SGMS2: variants seen among roughly 807,000 people sequenced by gnomAD.
The protein encoded by SGMS2 is phosphatidylcholine:ceramide cholinephosphotransferase 2.
SGMS2 carries 21 observed loss-of-function variants against 43.8 expected under a neutral mutation model. The ratio of observed to expected loss-of-function variants is 0.48; its 90% confidence interval spans 0.34 to 0.69. The LOEUF is 0.69. SGMS2 is among the 30% of genes least tolerant of loss of function. The pLI is 0.01. For synonymous variants in SGMS2, 167 were observed against 160.6 expected, an observed-to-expected ratio of 1.04 and a Z score of -0.30; for missense variants, 384 against 443.2, an observed-to-expected ratio of 0.87 and a Z score of 1.20.
At position 107,851,096 on chromosome 4, in the gene SGMS2, A is replaced by G. The variant is rs570886819; in HGVS notation, c.-326-7376A>G. On this transcript the variant is annotated intron_variant, in intron 1 of 6. Coordinates refer to ENST00000690982, the MANE Select transcript of SGMS2 (RefSeq NM_001375905.1). ...TAAAACTTAAAAGAAGACTTGAAAA[A>G]ACTTTGCTTTGTGAAATAGGGGTTT... is the stretch of plus-strand genomic sequence containing the variant. 2.5e-3 allele frequency among the ~76,000 whole-genome samples: 380 copies of G among 152,254 alleles called. 1 individual carries two copies. The highest frequency in any genetic ancestry group is 3.4e-3 in the Non-Finnish European group (229 of 68,026).
At chr4:107,890,445 C>G (rs1730109474) in intron 2 of SGMS2, among the ~76,000 whole-genome samples, 1 of 152,088 alleles carries the variant, frequency 6.6e-6, no homozygotes, top group Non-Finnish European at 1.5e-5. Context: ...GAGGCCAAGG[C>G]AGGTGGATCA....
intron 1 of SGMS2, among the ~76,000 whole-genome samples, chr4:107,842,241 CTCACTGT>C (rs977072329): frequency 1.3e-5 from 2 of 152,090 alleles, no homozygotes; most frequent in Admixed American, 1.3e-4. Flanking sequence ...CTTTAATTGG[CTCACTGT>C]TCTGCAGACA....
intron 2 of SGMS2, among the ~76,000 whole-genome samples, chr4:107,870,157 AATAATCTTGT>A (rs1371277522): frequency 6.6e-6 from 1 of 152,198 alleles, no homozygotes; most frequent in African/African-American, 2.4e-5. Flanking sequence ...TTATTTACAA[AATAATCTTGT>A]ATGTAGCTTT....
intron 2 of SGMS2, among the ~76,000 whole-genome samples, chr4:107,889,406 A>G (rs1196135627): frequency 1.3e-5 from 2 of 152,188 alleles, no homozygotes; most frequent in East Asian, 1.9e-4. Context: ...GACATTTCTA[A>G]TATTACTTTA....
intron 1 of SGMS2, among the ~76,000 whole-genome samples, chr4:107,854,490 G>A (rs192255460): frequency 1.3e-5 from 2 of 152,310 alleles, no homozygotes; most frequent in Admixed American, 6.5e-5. Context: ...GCCAGACAAT[G>A]GCTCTGAAGT....
chr4:107,908,610 T>C lies in SGMS2; in HGVS notation c.773T>C (p.Leu258Pro). The C allele has an allele frequency of 6.2e-7, 1 of 1,614,154 alleles. No individual in the cohort carries two copies. Among genetic ancestry groups the C allele is most frequent in the Non-Finnish European group, 8.5e-7 (1 of 1,179,978 alleles). ...FWWYHLICWL[L>P]SAAGIICILV... ...TGGTATCATTTAATCTGCTGGCTGC[T>C]GAGTGCTGCCGGGATCATCTGCATT... The change falls in exon 6 of 7, where the codon CTG (leucine) becomes CCG (proline). Residue 258 changes from leucine to proline, a missense_variant. Physicochemically the swap from Leu to Pro is moderately conservative, Grantham distance 98. Coordinates refer to ENST00000690982, the MANE Select transcript of SGMS2 (RefSeq NM_001375905.1).
At chr4:107,863,616 G>T (rs895144693) in intron 2 of SGMS2, 1 of 152,170 alleles carries the variant, frequency 6.6e-6, no homozygotes, top group African/African-American at 2.4e-5. Flanking sequence ...ATGACCTCAG[G>T]GTTATGCAGC....
chr4:107,877,913 CTTTTTTT>C (rs774442653), intron 2 of SGMS2, among the ~76,000 whole-genome samples: 24 of 102,186 alleles, frequency 2.3e-4, no homozygotes, highest in African/African-American at 8.2e-4. Context: ...TTTTTCTTTT[CTTTTTTT>C]TTTTTTTTTT....
intron 2 of SGMS2, among the ~76,000 whole-genome samples, chr4:107,877,544 A>G (rs1023153040): frequency 6.6e-6 from 1 of 152,200 alleles, no homozygotes; most frequent in Non-Finnish European, 1.5e-5. Context: ...GGCCTAAACA[A>G]CTGCTGGCTG....
At chr4:107,904,224 A>G (rs1352014434) in intron 5 of SGMS2, among the ~76,000 whole-genome samples, 1 of 152,048 alleles carries the variant, frequency 6.6e-6, no homozygotes, top group Non-Finnish European at 1.5e-5. Flanking sequence ...TACCCTTCAT[A>G]TTTAGTTCCA....
chr4:107,871,869 T>C (rs575073573), intron 2 of SGMS2, among the ~76,000 whole-genome samples: 31 of 152,338 alleles, frequency 2.0e-4, no homozygotes, highest in African/African-American at 7.0e-4. Flanking sequence ...TTTGTTTTTA[T>C]TCTTCCTCTG....
intron 2 of SGMS2, among the ~76,000 whole-genome samples, chr4:107,860,814 T>G (rs1220538293): frequency 6.6e-6 from 1 of 152,196 alleles, no homozygotes; most frequent in African/African-American, 2.4e-5. Flanking sequence ...CATGAGCCAC[T>G]GCACCTGGCC....
intron 2 of SGMS2, among the ~76,000 whole-genome samples, chr4:107,894,097 AT>A (rs1168704590): frequency 1.3e-5 from 2 of 151,776 alleles, no homozygotes; most frequent in Non-Finnish European, 2.9e-5. Context: ...ATTGACTGCC[AT>A]TTTCGCTGTG....
intron 2 of SGMS2, among the ~76,000 whole-genome samples, chr4:107,860,139 G>A (rs1265572472): frequency 6.6e-6 from 1 of 151,866 alleles, no homozygotes; most frequent in East Asian, 1.9e-4. Context: ...TAAGCAAATA[G>A]GAATATTCCT....
intron 2 of SGMS2, among the ~76,000 whole-genome samples, chr4:107,878,910 C>T (rs940597690): frequency 3.9e-5 from 6 of 152,178 alleles, no homozygotes; most frequent in Admixed American, 3.3e-4. Context: ...ATTATATCAA[C>T]GTCATTAAGG....
intron 2 of SGMS2, among the ~76,000 whole-genome samples, chr4:107,859,852 G>A (rs931001880): frequency 6.6e-6 from 1 of 151,972 alleles, no homozygotes; most frequent in Non-Finnish European, 1.5e-5. Flanking sequence ...TAAAGTAGTC[G>A]TATGTTCTAA....
At chr4:107,880,078 A>C (rs766327597) in intron 2 of SGMS2, among the ~76,000 whole-genome samples, 2 of 152,156 alleles carry the variant, frequency 1.3e-5, no homozygotes, top group African/African-American at 2.4e-5. Context: ...AAGTACCAGA[A>C]ATCAAAATAT....
At chr4:107,896,652 G>A (rs1367427100) in intron 3 of SGMS2, among the ~76,000 whole-genome samples, 2 of 152,126 alleles carry the variant, frequency 1.3e-5, no homozygotes, top group Admixed American at 6.5e-5. Flanking sequence ...ATTTTCCTTG[G>A]ACACCACAAA....
intron 1 of SGMS2, among the ~76,000 whole-genome samples, chr4:107,846,970 T>C (rs1482229264): frequency 3.3e-5 from 5 of 152,346 alleles, no homozygotes; most frequent in South Asian, 2.1e-4. Flanking sequence ...GTTTGTTTTT[T>C]TCTTGTAAAT....
Sources: gnomAD v4.1 joint callset for allele counts (sites outside exome capture counted in the v4.1 genomes callset) on GRCh38, gnomAD v4.1.1 for gene constraint, MANE v1.5 for transcripts, NCBI Gene and HGNC (gene_info 2026-07-23, HGNC 2026-07-21) for gene names.